Variants in EYS observed in about 807,000 individuals in gnomAD.
EYS encodes EGF-like photoreceptor maintenance factor.
EYS carries 250 observed loss-of-function variants against 282.1 expected under a neutral mutation model. The observed-to-expected ratio is 0.89, with a 90% CI of 0.80 to 0.98. EYS has a LOEUF of 0.98. Among genes scored for constraint, EYS ranks in the 50% least tolerant of loss-of-function variants. The pLI, the probability that EYS is intolerant of heterozygous loss-of-function variation, is 0.00. For missense variants in EYS, 4,016 were observed against 3,709.0 expected (o/e 1.08, Z -2.15); for synonymous variants, 1,355 against 1,282.9 (o/e 1.06, Z -1.20).
At chr6:65,214,615 C>A (rs1766265767) in intron 12 of EYS, among the ~76,000 whole-genome samples, 1 of 152,220 alleles carries the variant, frequency 6.6e-6, no homozygotes, top group Non-Finnish European at 1.5e-5. Context: ...CCTGAGATCA[C>A]TGCTGAGGGT....
chr6:65,527,013 T>C (rs1449635097), intron 2 of EYS, among the ~76,000 whole-genome samples: 2 of 152,152 alleles, frequency 1.3e-5, no homozygotes, highest in Non-Finnish European at 2.9e-5. Flanking sequence ...TCCCTAGGTT[T>C]CTGGAGAAAG....
chr6:65,050,704 G>T (rs1188670261), intron 13 of EYS, among the ~76,000 whole-genome samples: 1 of 151,574 alleles, frequency 6.6e-6, no homozygotes, highest in Non-Finnish European at 1.5e-5. Flanking sequence ...CCCCATTGTA[G>T]CTTGACACAA....
At chr6:64,420,943 G>A (rs1487012326) in intron 28 of EYS, among the ~76,000 whole-genome samples, 1 of 151,974 alleles carries the variant, frequency 6.6e-6, no homozygotes, top group Non-Finnish European at 1.5e-5. Flanking sequence ...TTCTTCTTCT[G>A]AACCCTCCAA....
intron 16 of EYS, among the ~76,000 whole-genome samples, chr6:64,906,107 T>C (rs1767819323): frequency 1.3e-5 from 2 of 151,338 alleles, no homozygotes; most frequent in South Asian, 2.1e-4. Flanking sequence ...TAAAAAAATA[T>C]TATTTTATTT....
In EYS at chr6:64,339,051, A is replaced by G. The variant is rs1421695071; in HGVS notation, c.6079-31969T>C. Among the ~76,000 whole-genome samples, 4 of 152,034 alleles carry G rather than the reference A, an allele frequency of 2.6e-5. No homozygotes were observed. The South Asian group carries it at 8.3e-4, about 31-fold the overall frequency. On this transcript the variant is annotated intron_variant, in intron 29 of 42. Transcript: ENST00000503581. ...AAAATTCTAGAAGATAACATTGGAA[A>G]AACCCTTCTAGACATTGGCTTAGGC...
chr6:64,305,677 C>T (rs1472467559), intron 30 of EYS, among the ~76,000 whole-genome samples: 2 of 152,046 alleles, frequency 1.3e-5, no homozygotes, highest in Non-Finnish European at 2.9e-5. Flanking sequence ...ACTGGATATC[C>T]ACATACAACA....
intron 26 of EYS, among the ~76,000 whole-genome samples, chr6:64,464,465 T>C (rs1047474561): frequency 6.6e-6 from 1 of 151,996 alleles, no homozygotes; most frequent in Non-Finnish European, 1.5e-5. Context: ...GAAAAAAAGA[T>C]AAAAGGCAGC....
rs182423656 is a variant in EYS at position 64,852,074 on chromosome 6, G to A, written c.2993-29252C>T. 5.9e-5 allele frequency among the ~76,000 whole-genome samples: 9 copies of A among 152,262 alleles called. No homozygotes were observed. In the East Asian group the frequency reaches 1.7e-3, roughly 29 times the overall value. On this transcript the variant is annotated intron_variant, in intron 19 of 42. Coordinates refer to ENST00000503581, the MANE Select transcript of EYS (RefSeq NM_001142800.2). ...GGGTAGCCACAATGTAGACAGTAGTGGGTTGAATAGTGTCCTCCAAAATCT... is the reference window on the plus strand; with the variant it reads ...GGGTAGCCACAATGTAGACAGTAGTAGGTTGAATAGTGTCCTCCAAAATCT...
At chr6:64,802,537 AATTTT>A (rs1430111509) in intron 22 of EYS, among the ~76,000 whole-genome samples, 1 of 152,178 alleles carries the variant, frequency 6.6e-6, no homozygotes, top group Non-Finnish European at 1.5e-5. Context: ...AAATAAACTT[AATTTT>A]ATATTATCCT....
At chr6:65,282,139 T>A (rs554439773) in intron 12 of EYS, among the ~76,000 whole-genome samples, 7 of 151,738 alleles carry the variant, frequency 4.6e-5, no homozygotes, top group South Asian at 4.2e-4. Context: ...GGGAAAAAAA[T>A]ATATATATAG....
At chr6:65,394,950 TCTTCTCCTGTCATAGTCATAGCCAAC>T (rs573952686) in intron 7 of EYS, among the ~76,000 whole-genome samples, 11 of 152,298 alleles carry the variant, frequency 7.2e-5, no homozygotes, top group Admixed American at 2.6e-4. Context: ...GCTACCCATA[TCTTCTCCTGTCATAGTCATAGCCAAC>T]CTTCCTGAGC....
chr6:64,580,310 G>A (rs1766020208), intron 26 of EYS, among the ~76,000 whole-genome samples: 1 of 152,096 alleles, frequency 6.6e-6, no homozygotes, highest in South Asian at 2.1e-4. Context: ...CAAAGTCAAG[G>A]TGACATTGAG....
chr6:64,939,469 G>A (rs559770348), intron 15 of EYS, among the ~76,000 whole-genome samples: 5 of 151,906 alleles, frequency 3.3e-5, no homozygotes, highest in African/African-American at 1.2e-4. Flanking sequence ...GAATATTAAA[G>A]TATTTTGAAT....
intron 35 of EYS, among the ~76,000 whole-genome samples, chr6:63,961,051 C>G (rs1293160812): frequency 6.6e-6 from 1 of 152,158 alleles, no homozygotes; most frequent in African/African-American, 2.4e-5. Context: ...TTAGTCTGCT[C>G]CTGCTGCTAC....
chr6:64,425,497 A>T (rs1479934717), intron 28 of EYS, among the ~76,000 whole-genome samples: 1 of 151,870 alleles, frequency 6.6e-6, no homozygotes, highest in East Asian at 1.9e-4. Flanking sequence ...TCTACTAAAA[A>T]TCCAAAATTA....
At chr6:64,797,546 C>T (rs1774395508) in intron 22 of EYS, among the ~76,000 whole-genome samples, 1 of 151,910 alleles carries the variant, frequency 6.6e-6, no homozygotes, top group African/African-American at 2.4e-5. Flanking sequence ...TTTAACACCT[C>T]ATATATTATA....
At chr6:65,223,471 A>C (rs188942767) in intron 12 of EYS, among the ~76,000 whole-genome samples, 3 of 152,312 alleles carry the variant, frequency 2.0e-5, no homozygotes, top group Admixed American at 2.0e-4. Context: ...CCAGTCTCTA[A>C]CTTAGTGCTA....
intron 2 of EYS, among the ~76,000 whole-genome samples, chr6:65,588,725 A>G (rs1765137619): frequency 6.6e-6 from 1 of 152,100 alleles, no homozygotes; most frequent in Non-Finnish European, 1.5e-5. Context: ...ACACATTTGT[A>G]TAAAAATAAA....
At chr6:65,208,870 A>C (rs935061664) in intron 12 of EYS, among the ~76,000 whole-genome samples, 1 of 151,818 alleles carries the variant, frequency 6.6e-6, no homozygotes, top group Admixed American at 6.6e-5. Flanking sequence ...GAATATACTA[A>C]AAGCCCAAAC....
Sources: gnomAD v4.1 joint callset for allele counts (sites outside exome capture counted in the v4.1 genomes callset) on GRCh38, gnomAD v4.1.1 for gene constraint, MANE v1.5 for transcripts, NCBI Gene and HGNC (gene_info 2026-07-23, HGNC 2026-07-21) for gene names.